JAKMIP2: variants seen among roughly 807,000 people sequenced by gnomAD.
JAKMIP2 encodes the protein janus kinase and microtubule interacting protein 2.
JAKMIP2 carries 25 observed loss-of-function variants against 115.0 expected under a neutral mutation model. The ratio of observed to expected loss-of-function variants is 0.22; its 90% CI spans 0.16 to 0.30. The LOEUF is 0.30. JAKMIP2 is among the 10% of genes least tolerant of loss of function. The pLI, the probability that JAKMIP2 is intolerant of heterozygous loss-of-function variation, is 1.00. For missense variants in JAKMIP2, 642 were observed against 957.6 expected (o/e 0.67, Z 4.35); for synonymous variants, 334 against 343.6 (o/e 0.97, Z 0.31).
intron 20 of JAKMIP2, among the ~76,000 whole-genome samples, chr5:147,605,971 T>A (rs1343094331): frequency 6.6e-6 from 1 of 152,134 alleles, no homozygotes; most frequent in African/African-American, 2.4e-5. Flanking sequence ...TTGGCTGCAT[T>A]ATGTCTTATT....
At chr5:147,769,266 C>G (rs578005808) in intron 1 of JAKMIP2, among the ~76,000 whole-genome samples, 3 of 152,100 alleles carry the variant, frequency 2.0e-5, no homozygotes, top group South Asian at 2.1e-4. Context: ...TCTTCCTCAT[C>G]ATCATGATTA....
chr5:147,612,168 A>G (rs372786549), intron 20 of JAKMIP2, 138 bp downstream of exon 20: 10 of 757,642 alleles, frequency 1.3e-5, no homozygotes, highest in African/African-American at 6.8e-5. Flanking sequence ...TGAAGGTGAA[A>G]GCTAGGTTTA....
chr5:147,660,719 G>A (rs775852787), intron 3 of JAKMIP2: 1 of 532,586 alleles, frequency 1.9e-6, no homozygotes, highest in Admixed American at 3.2e-5. Flanking sequence ...TATGAGAAAG[G>A]TGATTTCCAA....
chr5:147,599,785 C>T (rs1755600658), intron 21 of JAKMIP2, among the ~76,000 whole-genome samples: 1 of 152,152 alleles, frequency 6.6e-6, no homozygotes, highest in Non-Finnish European at 1.5e-5. Context: ...TGGGCTGAGG[C>T]TGCCTGGGTA....
intron 10 of JAKMIP2, among the ~76,000 whole-genome samples, chr5:147,637,507 T>C (rs972332351): frequency 4.9e-5 from 7 of 144,088 alleles, no homozygotes; most frequent in Admixed American, 4.4e-4. Context: ...TGGCACAATC[T>C]CAGCTTACTG....
intron 1 of JAKMIP2, among the ~76,000 whole-genome samples, chr5:147,769,954 T>C (rs1197357298): frequency 6.6e-6 from 1 of 152,150 alleles, no homozygotes; most frequent in Non-Finnish European, 1.5e-5. Flanking sequence ...TGCATTTTAG[T>C]AAATCTGGAA....
intron 1 of JAKMIP2, among the ~76,000 whole-genome samples, chr5:147,765,080 A>C (rs990564207): frequency 3.3e-5 from 5 of 151,102 alleles, no homozygotes; most frequent in Non-Finnish European, 7.4e-5. Context: ...GGAAAGAAAG[A>C]AAGAAAAAAG....
At position 147,620,680 on chromosome 5, in the gene JAKMIP2, C is replaced by T; in HGVS notation, c.2128G>A (p.Asp710Asn). Residue 710 changes from aspartate to asparagine, a missense_variant, in exon 18 of 22, where the codon GAC (aspartate) becomes AAC (asparagine). This residue lies in a region of JAKMIP2 where 68 missense variants were observed against 104.6 expected (regional missense o/e 0.65). Transcript: ENST00000616793. ...GTTGTACCTACCATATATGCTTGGT[C>T]AAGAGCTTGTTTTCTGTAGTCTAGT... The part of the protein sequence containing the change: ...EELDYRKQAL[D>N]QAYMRIQELE... The T allele has an allele frequency of 6.2e-7, 1 of 1,613,204 alleles. No homozygotes were observed. Among genetic ancestry groups the T allele is most frequent in the Non-Finnish European group, 8.5e-7 (1 of 1,179,366 alleles).
At chr5:147,605,796 G>A (rs116804117) in intron 20 of JAKMIP2, among the ~76,000 whole-genome samples, 2,125 of 152,140 alleles carry the variant, frequency 0.014, 48 homozygotes, top group African/African-American at 0.046. Context: ...TTACACTCCC[G>A]CCAATCATGT....
chr5:147,624,215 G>A (rs1756993298), intron 16 of JAKMIP2, among the ~76,000 whole-genome samples: 1 of 152,176 alleles, frequency 6.6e-6, no homozygotes. Flanking sequence ...ATGCATTTAT[G>A]GATGACTAGC....
At chr5:147,660,406 T>G (rs1166227513) in intron 3 of JAKMIP2, 1 of 438,330 alleles carries the variant, frequency 2.3e-6, no homozygotes, top group Non-Finnish European at 4.5e-6. Context: ...GAAAAATATC[T>G]ATGTTTAAAA....
At chr5:147,744,949 T>G (rs1021107543) in intron 1 of JAKMIP2, among the ~76,000 whole-genome samples, 10 of 150,958 alleles carry the variant, frequency 6.6e-5, no homozygotes, top group African/African-American at 2.4e-4. Flanking sequence ...TCTCAGCTAG[T>G]CAGGAGAATG....
At chr5:147,674,063 A>G (rs1759786610) in intron 1 of JAKMIP2, among the ~76,000 whole-genome samples, 2 of 152,176 alleles carry the variant, frequency 1.3e-5, no homozygotes, top group African/African-American at 4.8e-5. Context: ...ATCCACTTGA[A>G]TAGATCTGAT....
At chr5:147,605,030 A>G (rs1405363277) in intron 20 of JAKMIP2, among the ~76,000 whole-genome samples, 2 of 150,794 alleles carry the variant, frequency 1.3e-5, no homozygotes, top group African/African-American at 4.9e-5. Context: ...CTGTGCCCGT[A>G]TGTTCTCATT....
chr5:147,770,690 T>C (rs2127073873), intron 1 of JAKMIP2, among the ~76,000 whole-genome samples: 1 of 152,256 alleles, frequency 6.6e-6, no homozygotes, highest in East Asian at 1.9e-4. Context: ...AACTGCTCTC[T>C]GGATCTGGAG....
intron 1 of JAKMIP2, among the ~76,000 whole-genome samples, chr5:147,770,178 C>G (rs997305185): frequency 5.9e-5 from 9 of 151,924 alleles, no homozygotes; most frequent in African/African-American, 1.9e-4. Context: ...TATCACTAAA[C>G]ATTTTTCTAC....
intron 1 of JAKMIP2, among the ~76,000 whole-genome samples, chr5:147,702,439 TAGGAAGGAAGGAAGGA>T (rs377372312): frequency 1.2e-5 from 1 of 85,686 alleles, no homozygotes; most frequent in African/African-American, 5.7e-5. Context: ...GGAAGGAAGG[TAGGAAGGAAGGAAGGA>T]AGGAAGGAAG....
Position 147,782,332 on chromosome 5 carries a change from T to C in JAKMIP2, c.-149+124A>G, listed in dbSNP as rs566173131. The C allele has an allele frequency of 9.4e-6, 9 of 953,164 alleles. No homozygotes were observed. In the Admixed American group the frequency reaches 1.8e-4, roughly 19 times the overall value. The allele number at this position is 953,164 out of a possible 1,614,324, so 59.0% of individuals were successfully genotyped here. On this transcript the variant is annotated intron_variant, in intron 1 of 21. Coordinates refer to ENST00000616793, the MANE Select transcript of JAKMIP2 (RefSeq NM_001270941.2). ...CTCTCCCTCCATCCTCATCTCTGTC[T>C]CCACATCTCCCCCTTCTAGTCTGAG...
At position 147,636,203 on chromosome 5, in the gene JAKMIP2, G is replaced by A. The variant is rs2126701868; in HGVS notation, c.1677+19C>T. On this transcript the variant is annotated intron_variant, in intron 12 of 21. Transcript: ENST00000616793. ...ATGATTTTCTCCTCTGCCCCGCTAG[G>A]GTGTTGTGCCCAACATACCTTTTCT... 3 of 1,600,752 alleles carry A rather than the reference G, an allele frequency of 1.9e-6. No individual in the cohort carries two copies. Among genetic ancestry groups the A allele is most frequent in the Non-Finnish European group, 1.7e-6 (2 of 1,168,034 alleles).
Sources: allele counts gnomAD v4.1 joint callset (sites outside exome capture counted in the v4.1 genomes callset), GRCh38; gene constraint gnomAD v4.1.1; regional missense constraint gnomAD v4.1.1; transcripts MANE v1.5; gene names NCBI Gene and HGNC (gene_info 2026-07-23, HGNC 2026-07-21).